The following DYNAP variants were observed in gnomAD, a reference collection of about 807,000 sequenced individuals.
DYNAP encodes dynactin associated protein.
Under a neutral mutation model 8.5 loss-of-function variants are expected in DYNAP, and 7 were observed. That is an observed-to-expected ratio of 0.82 (90% CI 0.47 to 1.54). DYNAP has a LOEUF of 1.54. Ranked by LOEUF, DYNAP falls within the 40% of genes most tolerant of loss-of-function variation. The pLI, the probability that DYNAP is intolerant of heterozygous loss-of-function variation, is 0.01. For missense variants in DYNAP, 256 were observed against 224.3 expected (o/e 1.14, Z -0.90); for synonymous variants, 77 against 77.9 (o/e 0.99, Z 0.06).
upstream of DYNAP, among the ~76,000 whole-genome samples, chr18:54,584,655 A>C (rs1910816866): frequency 6.6e-6 from 1 of 152,176 alleles, no homozygotes. Context: ...AATTAAGGAG[A>C]GTTGTGATAC....
intron 2 of DYNAP, among the ~76,000 whole-genome samples, chr18:54,595,697 G>A (rs1911260038): frequency 1.3e-5 from 2 of 152,062 alleles, no homozygotes; most frequent in Non-Finnish European, 2.9e-5. Context: ...TGTCCTGTAG[G>A]CTGAATGAAC....
At chr18:54,591,852 T>C (rs1887899222) in intron 1 of DYNAP, among the ~76,000 whole-genome samples, 3 of 152,152 alleles carry the variant, frequency 2.0e-5, no homozygotes, top group Non-Finnish European at 1.5e-5. Flanking sequence ...AAAATATTTT[T>C]ATACCAAAAA....
At chr18:54,578,769 A>T in the DYNAP span, among the ~76,000 whole-genome samples, 1 of 152,092 alleles carries the variant, frequency 6.6e-6, no homozygotes. Context: ...GTTCAGGAAA[A>T]GGCAATTTTT....
At chr18:54,584,857 T>C (rs1910822587), upstream of DYNAP, among the ~76,000 whole-genome samples, 1 of 152,156 alleles carries the variant, frequency 6.6e-6, no homozygotes, top group Non-Finnish European at 1.5e-5. Flanking sequence ...TTAAAAATGG[T>C]GTGGCTGGGG....
chr18:54,596,491 C>T (rs1314910201), intron 2 of DYNAP, among the ~76,000 whole-genome samples: 1 of 152,104 alleles, frequency 6.6e-6, no homozygotes, highest in Admixed American at 6.6e-5. Context: ...GGGTGGGGCC[C>T]ATACAACAAT....
chr18:54,583,799 C>T (rs1257384162), upstream of DYNAP, among the ~76,000 whole-genome samples: 1 of 152,120 alleles, frequency 6.6e-6, no homozygotes, highest in Non-Finnish European at 1.5e-5. Context: ...GTTTGGAAAT[C>T]AGTTTGTATT....
chr18:54,591,426 A>G (rs1911072289), intron 1 of DYNAP, 87 bp downstream of exon 1: 6 of 1,412,618 alleles, frequency 4.2e-6, no homozygotes, highest in South Asian at 3.4e-5. Flanking sequence ...CTTTATTACT[A>G]TCTAGCCAAC....
chr18:54,587,183 A>G (rs1343264448), upstream of DYNAP, among the ~76,000 whole-genome samples: 2 of 152,188 alleles, frequency 1.3e-5, no homozygotes, highest in East Asian at 1.9e-4. Flanking sequence ...TCAGTTTACT[A>G]TTTCAAGTCT....
chr18:54,595,162 C>T lies in DYNAP; in HGVS notation c.222+59C>T, dbSNP rs1911239726. On this transcript the variant is annotated intron_variant, in intron 2 of 2. Coordinates refer to ENST00000648945, the MANE Select transcript of DYNAP (RefSeq NM_173629.3). Reference sequence around the variant, plus strand: ...GGGATGTGCTCTATATGGGCATGTACTTTGCCTATTCTTTCCCAAGAAATG... The same window carrying T: ...GGGATGTGCTCTATATGGGCATGTATTTTGCCTATTCTTTCCCAAGAAATG... 3.4e-6 allele frequency: 5 copies of T among 1,474,994 alleles called. No individual in the cohort carries two copies. The South Asian group carries it at 7.5e-5, about 22-fold the overall frequency. The allele number at this position is 1,474,994 out of a possible 1,614,324, so 91.4% of individuals were successfully genotyped here. A position where few individuals can be genotyped will look rare whatever the true frequency, so the allele number is the denominator to read the frequency against.
intron 1 of DYNAP, among the ~76,000 whole-genome samples, chr18:54,592,130 T>A (rs150816459): frequency 1.3e-5 from 2 of 152,230 alleles, no homozygotes; most frequent in African/African-American, 2.4e-5. Context: ...TCTCAGTAAG[T>A]GTTAATACAA....
At chr18:54,592,711 C>G (rs1185014665) in intron 1 of DYNAP, among the ~76,000 whole-genome samples, 1 of 152,142 alleles carries the variant, frequency 6.6e-6, no homozygotes, top group East Asian at 1.9e-4. Flanking sequence ...CTCTTCAACT[C>G]TTCCAGTTTT....
At position 54,598,116 on chromosome 18, in the gene DYNAP, A is replaced by G. The variant is rs1467579770; in HGVS notation, c.526A>G (p.Ile176Val). The change falls in exon 3 of 3, where the codon ATA becomes GTA. Residue 176 changes from isoleucine to valine, a missense_variant. Transcript: ENST00000648945. ...ATAATTSTEP[I>V]TVAPTDHL ...AGCTGCCACCACTTCCACAGAACCT[A>G]TAACTGTTGCACCTACCGATCATTT... The G allele has an allele frequency of 5.0e-6, 8 of 1,612,756 alleles. No individual in the cohort carries two copies. The highest frequency in any genetic ancestry group is 4.4e-5 in the South Asian group (4 of 90,932).
the DYNAP span, among the ~76,000 whole-genome samples, chr18:54,578,725 C>A: frequency 2.6e-5 from 4 of 152,118 alleles, no homozygotes. Flanking sequence ...AATGCTTACA[C>A]AGTCTTCACA....
chr18:54,579,046 G>A, the DYNAP span, among the ~76,000 whole-genome samples: 6 of 152,018 alleles, frequency 3.9e-5, no homozygotes, highest in African/African-American at 7.2e-5. Flanking sequence ...TGGTCCGCCC[G>A]CCTCGGCCTC....
upstream of DYNAP, among the ~76,000 whole-genome samples, chr18:54,583,785 A>G (rs903071248): frequency 1.5e-4 from 23 of 152,200 alleles, no homozygotes; most frequent in African/African-American, 5.1e-4. Flanking sequence ...CAAATTTTTC[A>G]GCAGTTTGGA....
At chr18:54,579,860 C>A in the DYNAP span, among the ~76,000 whole-genome samples, 2 of 152,192 alleles carry the variant, frequency 1.3e-5, no homozygotes, top group Admixed American at 6.5e-5. Context: ...ATCATGTTGA[C>A]CTTTTCTTGG....
the DYNAP span, among the ~76,000 whole-genome samples, chr18:54,577,060 A>G: frequency 6.6e-6 from 1 of 152,214 alleles, no homozygotes; most frequent in Non-Finnish European, 1.5e-5. Context: ...TAACTCCTAC[A>G]AATGCCTTAA....
chr18:54,575,719 A>G, the DYNAP span, among the ~76,000 whole-genome samples: 1 of 152,074 alleles, frequency 6.6e-6, no homozygotes, highest in African/African-American at 2.4e-5. Flanking sequence ...GATTATAGTC[A>G]TGAGCCATCG....
chr18:54,580,560 T>C, the DYNAP span, among the ~76,000 whole-genome samples: 1 of 152,220 alleles, frequency 6.6e-6, no homozygotes, highest in Non-Finnish European at 1.5e-5. Context: ...AATCTACTAA[T>C]GAAAGTGCTA....
Sources: allele counts gnomAD v4.1 joint callset (sites outside exome capture counted in the v4.1 genomes callset), GRCh38; gene constraint gnomAD v4.1.1; transcripts MANE v1.5; gene names NCBI Gene and HGNC (gene_info 2026-07-23, HGNC 2026-07-21).